Variants in STT3A observed in about 807,000 individuals in gnomAD.
STT3A encodes the protein dolichyl-diphosphooligosaccharide--protein glycosyltransferase subunit STT3A.
STT3A carries 34 observed loss-of-function variants against 89.2 expected under a neutral mutation model. The observed-to-expected ratio is 0.38, with a 90% CI of 0.29 to 0.51. STT3A has a LOEUF of 0.51. STT3A is among the 20% of genes least tolerant of loss of function. STT3A has a pLI of 0.89. For missense variants in STT3A, 555 were observed against 889.5 expected (o/e 0.62, Z 4.78); for synonymous variants, 282 against 310.3 (o/e 0.91, Z 0.96).
Position 125,600,387 on chromosome 11 carries a change from G to T in STT3A, c.150-1916G>T, listed in dbSNP as rs555590854. 3.3e-4 allele frequency among the ~76,000 whole-genome samples: 49 copies of T among 148,990 alleles called. No individual in the cohort carries two copies. The South Asian group carries it at 0.01, about 32-fold the overall frequency. ...TTATTTATTTTATTTTTTGAGACAG[G>T]GTCTTGCTCTGTCACCAGGCTGGAG... is the stretch of plus-strand genomic sequence containing the variant. On this transcript the variant is annotated intron_variant, in intron 3 of 17. Coordinates refer to ENST00000392708, the MANE Select transcript of STT3A (RefSeq NM_152713.5).
At position 125,602,405 on chromosome 11, in the gene STT3A, T is replaced by G; in HGVS notation, c.252T>G (p.Ile84Met). 6.2e-7 allele frequency: 1 copy of G among 1,610,518 alleles called. No individual in the cohort carries two copies. Among genetic ancestry groups the G allele is most frequent in the South Asian group, 1.1e-5 (1 of 90,098 alleles). The change falls in exon 4 of 18, where the codon ATT becomes ATG. Residue 84 changes from isoleucine to methionine, a missense_variant. This residue lies in a region of STT3A where 129 missense variants were observed against 193.2 expected (regional missense o/e 0.67). Coordinates refer to ENST00000392708, the MANE Select transcript of STT3A (RefSeq NM_152713.5). The stretch of plus-strand genomic sequence containing the variant: ...CCTGGTACCCTTTGGGACGAATCAT[T>G]GGAGGAACAATTTACCCAGGTGAGG... ...DRAWYPLGRI[I>M]GGTIYPGLMI...
intron 12 of STT3A, 82 bp downstream of exon 12, chr11:125,612,829 G>T: frequency 6.4e-7 from 1 of 1,554,950 alleles, no homozygotes. Context: ...GGGGGTGGGA[G>T]GAGTAAAGTA....
chr11:125,604,161 C>G lies in STT3A; in HGVS notation c.422C>G (p.Ala141Gly), dbSNP rs772764331. The G allele has an allele frequency of 5.0e-6, 8 of 1,613,846 alleles. No individual in the cohort carries two copies. The South Asian group carries it at 8.8e-5, about 18-fold the overall frequency. ...TYHLTKELKDAGAGLLAAAMI... is the reference protein window; with the variant it reads ...TYHLTKELKDGGAGLLAAAMI... The stretch of plus-strand genomic sequence containing the variant: ...ATTACCCTTTTTTTCTTACAGGATG[C>G]AGGGGCTGGGCTTCTTGCTGCTGCC... Residue 141 changes from alanine to glycine, a missense_variant, in exon 6 of 18, where the codon GCA becomes GGA. Ala to Gly is a moderately conservative substitution (Grantham distance 60, BLOSUM62 0). Coordinates refer to ENST00000392708, the MANE Select transcript of STT3A (RefSeq NM_152713.5).
intron 15 of STT3A, among the ~76,000 whole-genome samples, chr11:125,616,750 T>C (rs1940191083): frequency 6.6e-6 from 1 of 152,210 alleles, no homozygotes; most frequent in Non-Finnish European, 1.5e-5. Flanking sequence ...CGATGTCTGC[T>C]CACTGCAGCC....
At chr11:125,615,036 G>A (rs1940136665) in intron 15 of STT3A, among the ~76,000 whole-genome samples, 1 of 152,108 alleles carries the variant, frequency 6.6e-6, no homozygotes, top group African/African-American at 2.4e-5. Flanking sequence ...AGCACTTTGG[G>A]AGGCCAAGGC....
At position 125,609,592 on chromosome 11, in the gene STT3A, A is replaced by G. The variant is rs936260390; in HGVS notation, c.1117+3A>G. Reference sequence around the variant, plus strand: ...GCTCCTCGTCTTCATGTTTCCAGGTATGTGGCCTCGTGTTCTGAAATGGCC... The same window carrying G: ...GCTCCTCGTCTTCATGTTTCCAGGTGTGTGGCCTCGTGTTCTGAAATGGCC... On this transcript the variant is annotated splice_donor_region_variant and intron_variant, in intron 10 of 17. Coordinates refer to ENST00000392708, the MANE Select transcript of STT3A (RefSeq NM_152713.5). 2.5e-6 allele frequency: 4 copies of G among 1,607,516 alleles called. No individual in the cohort carries two copies. Among genetic ancestry groups the G allele is most frequent in the Non-Finnish European group, 2.5e-6 (3 of 1,177,882 alleles).
intron 7 of STT3A, 67 bp downstream of exon 7, chr11:125,605,802 T>C (rs780943244): frequency 6.6e-6 from 9 of 1,363,634 alleles, no homozygotes; most frequent in South Asian, 3.9e-5. Flanking sequence ...TGGGTACTTA[T>C]TGTTTGACCA....
chr11:125,620,870 A>ATTT lies in STT3A; in HGVS notation c.*79_*81dup, dbSNP rs569634802. On this transcript the variant is annotated 3_prime_UTR_variant, in exon 18 of 18. Coordinates refer to ENST00000392708, the MANE Select transcript of STT3A (RefSeq NM_152713.5). ...GCACATCACATTTAGGACGTTGAAG[A>ATTT]TTTTTTTTTTTTTTTTTTTTTAATA... 6.0e-4 allele frequency: 536 copies of ATTT among 892,284 alleles called. No individual in the cohort carries two copies. The highest frequency in any genetic ancestry group is 1.3e-3 in the East Asian group (44 of 32,944). 55.3% of individuals were successfully genotyped at this position (892,284 alleles called of 1,614,324 possible). A position where few individuals can be genotyped will look rare whatever the true frequency, so the allele number is the denominator to read the frequency against.
In STT3A at chr11:125,606,457, G is replaced by A. The variant is rs749650954; in HGVS notation, c.772G>A (p.Gly258Ser). The A allele has an allele frequency of 6.2e-7, 1 of 1,612,436 alleles. No individual in the cohort carries two copies. Among genetic ancestry groups the A allele is most frequent in the African/African-American group, 1.3e-5 (1 of 74,920 alleles). Residue 258 changes from glycine to serine, a missense_variant, in exon 8 of 18, where the codon GGT (glycine) becomes AGT (serine). By Grantham distance (56) the Gly-to-Ser change is moderately conservative. Around this residue, in one of 5 missense-constraint regions of STT3A, gnomAD observed 149 missense variants for 206.2 expected, o/e 0.72. Coordinates refer to ENST00000392708, the MANE Select transcript of STT3A (RefSeq NM_152713.5). ...ACTTTCTATGCAGATCTCCTTTGTGGGTTTCCAGGTGAGCCCTTGACTGAG... is the reference window on the plus strand; with the variant it reads ...ACTTTCTATGCAGATCTCCTTTGTGAGTTTCCAGGTGAGCCCTTGACTGAG... ...TILSMQISFV[G>S]FQPVLSSEHM...
chr11:125,608,460 G>A (rs998400001), intron 9 of STT3A, 171 bp downstream of exon 9: 11 of 560,848 alleles, frequency 2.0e-5, no homozygotes, highest in African/African-American at 5.9e-5. Flanking sequence ...GATTACAGGC[G>A]CCTGCCACCG....
intron 7 of STT3A, among the ~76,000 whole-genome samples, 161 bp downstream of exon 7, chr11:125,605,896 T>C (rs1402665858): frequency 6.6e-6 from 1 of 152,190 alleles, no homozygotes; most frequent in Non-Finnish European, 1.5e-5. Flanking sequence ...CATGTAGACT[T>C]CCTTAATTGC....
intron 2 of STT3A, 88 bp from the exon 3 acceptor site, chr11:125,596,971 T>C: frequency 7.2e-7 from 1 of 1,393,736 alleles, no homozygotes; most frequent in Non-Finnish European, 1.0e-6. Flanking sequence ...ACCTCTCTAC[T>C]GGATAATACT....
At chr11:125,598,783 T>A (rs111275398) in intron 3 of STT3A, among the ~76,000 whole-genome samples, 9 of 152,132 alleles carry the variant, frequency 5.9e-5, no homozygotes, top group African/African-American at 2.2e-4. Context: ...TTTTTAAAAA[T>A]TTTTTGTAGA....
At chr11:125,606,225 GT>G in intron 7 of STT3A, 75 bp from the exon 8 acceptor site, 1 of 1,343,968 alleles carries the variant, frequency 7.4e-7, no homozygotes, top group Non-Finnish European at 1.0e-6. Flanking sequence ...AGAGTCACAG[GT>G]GATATCCTAC....
chr11:125,619,309 C>T (rs1295999102), intron 16 of STT3A, among the ~76,000 whole-genome samples: 1 of 151,996 alleles, frequency 6.6e-6, no homozygotes, highest in African/African-American at 2.4e-5. Flanking sequence ...ATCCACCCAC[C>T]TCGGCCTCCC....
chr11:125,619,339 C>T (rs1222091889), intron 16 of STT3A, among the ~76,000 whole-genome samples: 1 of 151,984 alleles, frequency 6.6e-6, no homozygotes, highest in African/African-American at 2.4e-5. Context: ...GGATTACAGG[C>T]ATGAGCCACC....
In STT3A at chr11:125,594,582, C is replaced by CAAAAA. The variant is rs34558992; in HGVS notation, c.-35-1283_-35-1279dup. On this transcript the variant is annotated intron_variant, in intron 1 of 17. Coordinates refer to ENST00000392708, the MANE Select transcript of STT3A (RefSeq NM_152713.5). ...CTGGCGACAGAGCAAGACTCCGTCT[C>CAAAAA]AAAAAAAAAAAAAAAAAAAAGATAG... Among the ~76,000 whole-genome samples, 7 of 92,302 alleles carry CAAAAA rather than the reference C, an allele frequency of 7.6e-5. 1 individual carries two copies. Among genetic ancestry groups the CAAAAA allele is most frequent in the African/African-American group, 9.4e-5 (2 of 21,170 alleles). The allele number at this position is 92,302 out of a possible 152,430, so 60.6% of individuals were successfully genotyped here. A position where few individuals can be genotyped will look rare whatever the true frequency, so the allele number is the denominator to read the frequency against.
rs569634802 is a variant in STT3A at position 125,620,870 on chromosome 11, ATTTTT to A, written c.*77_*81del. 1.1e-4 allele frequency: 97 copies of A among 892,594 alleles called. No homozygotes were observed. Among genetic ancestry groups the A allele is most frequent in the Middle Eastern group, 3.0e-4 (1 of 3,346 alleles). The allele number at this position is 892,594 out of a possible 1,614,324, so 55.3% of individuals were successfully genotyped here. On this transcript the variant is annotated 3_prime_UTR_variant, in exon 18 of 18. Transcript: ENST00000392708. Reference sequence around the variant, plus strand: ...GCACATCACATTTAGGACGTTGAAGATTTTTTTTTTTTTTTTTTTTTAATATGCAG... The same window carrying A: ...GCACATCACATTTAGGACGTTGAAGATTTTTTTTTTTTTTTTAATATGCAG...
chr11:125,596,450 G>A (rs1337946807), intron 2 of STT3A, among the ~76,000 whole-genome samples: 1 of 152,190 alleles, frequency 6.6e-6, no homozygotes, highest in African/African-American at 2.4e-5. Context: ...GGGCAACAGA[G>A]CAAGACTCTG....
Sources: allele counts gnomAD v4.1 joint callset (sites outside exome capture counted in the v4.1 genomes callset), GRCh38; gene constraint gnomAD v4.1.1; regional missense constraint gnomAD v4.1.1; transcripts MANE v1.5; gene names NCBI Gene and HGNC (gene_info 2026-07-23, HGNC 2026-07-21).